The following EIF4G3 variants were observed in gnomAD, a reference collection of about 807,000 sequenced individuals.
EIF4G3 encodes eIF-4-gamma 3.
In EIF4G3, 34 loss-of-function variants were observed where a neutral mutation model predicts 186.4. That is an observed-to-expected ratio of 0.18 (90% CI 0.14 to 0.24). EIF4G3 has a LOEUF of 0.24. EIF4G3 is among the 10% of genes least tolerant of loss of function. EIF4G3 has a pLI of 1.00. For missense variants in EIF4G3, 1,536 were observed against 1,948.5 expected (o/e 0.79, Z 3.99); for synonymous variants, 673 against 679.5 (o/e 0.99, Z 0.15).
rs1177931484 is a variant in EIF4G3 at position 21,112,128 on chromosome 1, AAAG to A, written c.-271-22918_-271-22916del. ...TTTAATTAAGTCTATTTTTCCCCTT[AAAG>A]AAGAATGATCTGATGGTTATCAACA... On this transcript the variant is annotated intron_variant, in intron 2 of 36. Transcript: ENST00000602326. 5.3e-5 allele frequency among the ~76,000 whole-genome samples: 8 copies of A among 152,330 alleles called. No homozygotes were observed. The East Asian group carries it at 1.2e-3, about 22-fold the overall frequency.
rs368328382 is a variant in EIF4G3 at position 21,007,515 on chromosome 1, T to TAAAAAAAAAAAAAAAA, written c.-66-4723_-66-4708dup. 1.8e-3 allele frequency among the ~76,000 whole-genome samples: 27 copies of TAAAAAAAAAAAAAAAA among 14,746 alleles called. 5 individuals carry two copies. Among genetic ancestry groups the TAAAAAAAAAAAAAAAA allele is most frequent in the Non-Finnish European group, 3.0e-3 (15 of 5,010 alleles). The allele number at this position is 14,746 out of a possible 152,430, so 9.7% of individuals were successfully genotyped here. A position where few individuals can be genotyped will look rare whatever the true frequency, so the allele number is the denominator to read the frequency against. ...AATATATTCACAATGGGCCCCTCCT[T>TAAAAAAAAAAAAAAAA]AAAAAAAAAAAAAAAAAAAAAACAC... On this transcript the variant is annotated intron_variant, in intron 4 of 36. Coordinates refer to ENST00000602326, the MANE Select transcript of EIF4G3 (RefSeq NM_001391906.1).
At chr1:20,830,731 G>T (rs2064919780) in intron 30 of EIF4G3, among the ~76,000 whole-genome samples, 1 of 152,000 alleles carries the variant, frequency 6.6e-6, no homozygotes, top group Non-Finnish European at 1.5e-5. Flanking sequence ...GGTTTTTTAT[G>T]CCTTGATCAG....
At chr1:20,991,954 C>T (rs937679707) in intron 7 of EIF4G3, among the ~76,000 whole-genome samples, 1 of 152,144 alleles carries the variant, frequency 6.6e-6, no homozygotes, top group Non-Finnish European at 1.5e-5. Context: ...GAAATATATG[C>T]AGTTATTAAA....
chr1:20,842,820 C>T (rs1482182014), intron 29 of EIF4G3, among the ~76,000 whole-genome samples: 2 of 151,494 alleles, frequency 1.3e-5, no homozygotes, highest in Admixed American at 6.6e-5. Context: ...ATTCCCTGGT[C>T]TCTTCATCCT....
At chr1:21,109,224 A>C (rs747995607) in intron 2 of EIF4G3, among the ~76,000 whole-genome samples, 42 of 152,224 alleles carry the variant, frequency 2.8e-4, no homozygotes, top group Non-Finnish European at 5.1e-4. Flanking sequence ...TCAAGGAAAA[A>C]GCTACAAGGG....
chr1:20,941,896 C>T lies in EIF4G3; in HGVS notation c.1258G>A (p.Glu420Lys), dbSNP rs35287548. 3.6e-5 allele frequency: 58 copies of T among 1,614,140 alleles called. No homozygotes were observed. Among genetic ancestry groups the T allele is most frequent in the East Asian group, 2.0e-4 (9 of 44,890 alleles). Residue 420 changes from glutamate (E) to lysine (K), a missense_variant, in exon 14 of 37, where the codon GAA becomes AAA. By Grantham distance (56) the Glu-to-Lys change is moderately conservative. This residue lies in a region of EIF4G3 where 560 missense variants were observed against 547.8 expected (regional missense o/e 1.02). Coordinates refer to ENST00000602326, the MANE Select transcript of EIF4G3 (RefSeq NM_001391906.1). ...ATGCTCTCCGTGGCTGATAATTTTTCGCTAACTCCATTTATTTCATTAATT... is the reference window on the plus strand; with the variant it reads ...ATGCTCTCCGTGGCTGATAATTTTTTGCTAACTCCATTTATTTCATTAATT... Reference protein sequence around the residue: ...NLINEINGVSEKLSATESIVE... With the variant: ...NLINEINGVSKKLSATESIVE...
In EIF4G3 at chr1:20,851,352, C is replaced by T; in HGVS notation, c.3678G>A (p.Arg1226=). 3 of 1,614,190 alleles carry T rather than the reference C, an allele frequency of 1.9e-6. No individual in the cohort carries two copies. In the East Asian group the frequency reaches 6.7e-5, roughly 36 times the overall value. ...GCTTCACGGTCTCCAGCATCTCTCT[C>T]CGCTGCTCTTCTTGAGACTGATTGT... The part of the protein sequence containing the change: ...LLDNQSQEEQ[R]REMLETVKQL... The change falls in exon 28 of 37, where the codon CGG becomes CGA. Residue 1226 remains arginine, a synonymous_variant. Transcript: ENST00000602326.
chr1:20,817,628 C>T, intron 33 of EIF4G3, 90 bp from the exon 34 acceptor site: 3 of 670,998 alleles, frequency 4.5e-6, no homozygotes, highest in Non-Finnish European at 6.1e-6. Context: ...TAGGTTACGT[C>T]TTCTATTTTA....
At chr1:20,981,643 GTA>G (rs1402520029) in intron 8 of EIF4G3, among the ~76,000 whole-genome samples, 4 of 118,916 alleles carry the variant, frequency 3.4e-5, no homozygotes, top group South Asian at 3.0e-4. Context: ...CGCACATACT[GTA>G]TGTATACATA....
At chr1:20,922,175 C>G (rs992956347) in intron 14 of EIF4G3, among the ~76,000 whole-genome samples, 22 of 152,188 alleles carry the variant, frequency 1.4e-4, no homozygotes, top group Non-Finnish European at 2.8e-4. Flanking sequence ...TATCTTGTTT[C>G]AAACATCAAT....
Position 20,947,276 on chromosome 1 carries a change from G to A in EIF4G3, c.823+2727C>T, listed in dbSNP as rs1242627037. 3.9e-5 allele frequency among the ~76,000 whole-genome samples: 6 copies of A among 152,056 alleles called. No homozygotes were observed. In the East Asian group the frequency reaches 7.7e-4, roughly 20 times the overall value. On this transcript the variant is annotated intron_variant, in intron 13 of 36. Coordinates refer to ENST00000602326, the MANE Select transcript of EIF4G3 (RefSeq NM_001391906.1). The stretch of plus-strand genomic sequence containing the variant: ...AGAGGACTGCTTGAGCCTGGGAGGT[G>A]GAGGCTGCAGTGAGCCATGATCGTG...
At chr1:20,892,507 A>G (rs2086425610) in intron 18 of EIF4G3, 4 of 813,676 alleles carry the variant, frequency 4.9e-6, no homozygotes, top group South Asian at 2.9e-5. Context: ...TCTTTTGTAC[A>G]TGTCATTTGT....
At chr1:21,115,600 T>G (rs1250602256) in intron 2 of EIF4G3, among the ~76,000 whole-genome samples, 1 of 152,188 alleles carries the variant, frequency 6.6e-6, no homozygotes, top group Non-Finnish European at 1.5e-5. Context: ...CTGTATAAGA[T>G]TGTTTCTTCA....
intron 7 of EIF4G3, among the ~76,000 whole-genome samples, chr1:20,993,871 C>T (rs1270824635): frequency 6.6e-6 from 1 of 152,192 alleles, no homozygotes; most frequent in African/African-American, 2.4e-5. Context: ...TTTGTTTCCT[C>T]CAACAGCTTT....
At chr1:21,159,721 C>G (rs1369638894) in intron 2 of EIF4G3, among the ~76,000 whole-genome samples, 1 of 152,182 alleles carries the variant, frequency 6.6e-6, no homozygotes, top group East Asian at 1.9e-4. Context: ...AATCCTAGCA[C>G]TCTGGGAGGC....
chr1:20,869,548 G>A (rs1249016841), intron 20 of EIF4G3, among the ~76,000 whole-genome samples: 1 of 151,898 alleles, frequency 6.6e-6, no homozygotes, highest in South Asian at 2.1e-4. Flanking sequence ...AGCTGAGGCG[G>A]GTGGATCACG....
At chr1:20,892,037 T>C (rs1414606054) in intron 18 of EIF4G3, among the ~76,000 whole-genome samples, 1 of 152,186 alleles carries the variant, frequency 6.6e-6, no homozygotes, top group Non-Finnish European at 1.5e-5. Context: ...ACTGTAGGCA[T>C]TCAAGTATAC....
intron 4 of EIF4G3, among the ~76,000 whole-genome samples, chr1:21,048,716 A>C (rs2094034683): frequency 6.6e-6 from 1 of 152,076 alleles, no homozygotes; most frequent in Non-Finnish European, 1.5e-5. Context: ...CAGAATTCTC[A>C]CAAGTTCTGA....
chr1:20,857,359 G>A, intron 25 of EIF4G3, 44 bp downstream of exon 25: 1 of 1,398,900 alleles, frequency 7.1e-7, no homozygotes, highest in Non-Finnish European at 1.0e-6. Context: ...AATATCAAAG[G>A]CATCAAAGGA....
Sources: gnomAD v4.1 joint callset for allele counts (sites outside exome capture counted in the v4.1 genomes callset) on GRCh38, gnomAD v4.1.1 for gene constraint, gnomAD v4.1.1 regional missense constraint, MANE v1.5 for transcripts, NCBI Gene and HGNC (gene_info 2026-07-23, HGNC 2026-07-21) for gene names.